Variants in PRKD3 observed in about 807,000 individuals in gnomAD.
PRKD3 encodes the protein protein kinase D3.
Under a neutral mutation model 99.2 loss-of-function variants are expected in PRKD3, and 47 were observed. The observed-to-expected ratio is 0.47, with a 90% CI of 0.38 to 0.60. The LOEUF (loss-of-function observed/expected upper bound fraction) is 0.60, where lower values mean the gene tolerates loss of function less well. Among genes scored for constraint, PRKD3 ranks in the 20% least tolerant of loss-of-function variants. The probability of loss-of-function intolerance (pLI) is 0.00; values close to 1 mark genes in which losing one functional copy is unlikely to be tolerated. For synonymous variants in PRKD3, 392 were observed against 355.4 expected, an observed-to-expected ratio of 1.10 and a Z score of -1.16; for missense variants, 1,019 against 1,088.4, an observed-to-expected ratio of 0.94 and a Z score of 0.90.
chr2:37,294,420 A>AT (rs1319823398), intron 2 of PRKD3, among the ~76,000 whole-genome samples: 1 of 151,918 alleles, frequency 6.6e-6, no homozygotes, highest in Non-Finnish European at 1.5e-5. Flanking sequence ...TTAAAGTTAA[A>AT]TTAAAAAAAA....
At chr2:37,307,073 A>G (rs978898897) in intron 2 of PRKD3, among the ~76,000 whole-genome samples, 1 of 152,180 alleles carries the variant, frequency 6.6e-6, no homozygotes, top group Non-Finnish European at 1.5e-5. Context: ...GGGGCATCAT[A>G]GCAACTTCCT....
intron 2 of PRKD3, among the ~76,000 whole-genome samples, chr2:37,307,721 TAAC>T (rs139323223): frequency 1.7e-3 from 263 of 152,206 alleles, no homozygotes; most frequent in Admixed American, 4.8e-3. Flanking sequence ...TGGCTTATGC[TAAC>T]AACAACAACA....
At chr2:37,303,685 G>C (rs1671039350) in intron 2 of PRKD3, among the ~76,000 whole-genome samples, 1 of 152,102 alleles carries the variant, frequency 6.6e-6, no homozygotes. Context: ...CCGATGAAGA[G>C]GTCAAGAAAA....
At chr2:37,261,338 CT>C (rs1668427324) in intron 14 of PRKD3, among the ~76,000 whole-genome samples, 1 of 151,882 alleles carries the variant, frequency 6.6e-6, no homozygotes, top group Non-Finnish European at 1.5e-5. Flanking sequence ...AATACAAAAA[CT>C]AACCAGGTGT....
intron 9 of PRKD3, among the ~76,000 whole-genome samples, chr2:37,276,959 C>A (rs975517329): frequency 9.2e-5 from 14 of 151,880 alleles, no homozygotes; most frequent in Non-Finnish European, 1.5e-5. Flanking sequence ...CCATTAAATT[C>A]GCAAAGGTAG....
intron 5 of PRKD3, among the ~76,000 whole-genome samples, chr2:37,288,940 G>A (rs971251823): frequency 7.2e-5 from 11 of 152,112 alleles, no homozygotes; most frequent in South Asian, 4.2e-4. Flanking sequence ...TGTAATCCCC[G>A]CTACTTGGGA....
rs114281168 is a variant in PRKD3 at position 37,293,910 on chromosome 2, G to A, written c.289-639C>T. On this transcript the variant is annotated intron_variant, in intron 2 of 18. Transcript: ENST00000234179. ...TTTATAACATGAACAATTTGCTCAC[G>A]TAAGTTAACATGTTTTCCTGTTTGC... Among the ~76,000 whole-genome samples, 153 of 152,250 alleles carry A rather than the reference G, an allele frequency of 1.0e-3. 1 individual carries two copies. Among genetic ancestry groups the A allele is most frequent in the Non-Finnish European group, 1.1e-3 (76 of 68,008 alleles).
intron 3 of PRKD3, among the ~76,000 whole-genome samples, chr2:37,292,795 G>A (rs1670496471): frequency 1.3e-5 from 2 of 151,782 alleles, no homozygotes; most frequent in South Asian, 4.2e-4. Context: ...ACAGTTGCAT[G>A]TGACCATGCC....
chr2:37,322,321 AT>A (rs1671920260), intron 1 of PRKD3, among the ~76,000 whole-genome samples: 1 of 152,212 alleles, frequency 6.6e-6, no homozygotes, highest in Non-Finnish European at 1.5e-5. Flanking sequence ...CCCGACAATG[AT>A]TTATATATTT....
Position 37,282,535 on chromosome 2 carries a change from A to G in PRKD3, c.988+7T>C, listed in dbSNP as rs778117086. On this transcript the variant is annotated splice_region_variant and intron_variant, in intron 7 of 18. Coordinates refer to ENST00000234179, the MANE Select transcript of PRKD3 (RefSeq NM_005813.6). Reference sequence around the variant, plus strand: ...TCTTTCACAAAAATTAAGAAAAATAATTTTACCTCCATTGAAAGTAACCTC... The same window carrying G: ...TCTTTCACAAAAATTAAGAAAAATAGTTTTACCTCCATTGAAAGTAACCTC... 18 of 1,542,856 alleles carry G rather than the reference A, an allele frequency of 1.2e-5. No homozygotes were observed. In the African/African-American group the frequency reaches 2.0e-4, roughly 18 times the overall value.
At position 37,257,937 on chromosome 2, in the gene PRKD3, T is replaced by C. The variant is rs185311757; in HGVS notation, c.2146-1008A>G. On this transcript the variant is annotated intron_variant, in intron 16 of 18. Transcript: ENST00000234179. ...AAACAGTTATATGTAAAGGGAGCCATAGTCACTACCACATCCTCTCAAAAG... is the reference window on the plus strand; with the variant it reads ...AAACAGTTATATGTAAAGGGAGCCACAGTCACTACCACATCCTCTCAAAAG... Among the ~76,000 whole-genome samples, 41 of 152,266 alleles carry C rather than the reference T, an allele frequency of 2.7e-4. 1 individual carries two copies. The highest frequency in any genetic ancestry group is 3.4e-3 in the Middle Eastern group (1 of 294).
rs1480914627 is a variant in PRKD3, at chr2:37,324,111, C to CTCGGAACAATGCTGCAACTAGCAAA, written c.-656+545_-656+569dup. On this transcript the variant is annotated intron_variant, in intron 1 of 18. Transcript: ENST00000234179. ...AGGAAAACCTCCCAGGAGGGAGCAACTCGGAACAATGCTGCAACTAGCAAA... is the reference window on the plus strand; with the variant it reads ...AGGAAAACCTCCCAGGAGGGAGCAACTCGGAACAATGCTGCAACTAGCAAATCGGAACAATGCTGCAACTAGCAAA... 15 of 940,252 alleles carry CTCGGAACAATGCTGCAACTAGCAAA rather than the reference C, an allele frequency of 1.6e-5. No individual in the cohort carries two copies. In the East Asian group the frequency reaches 1.4e-3, roughly 87 times the overall value. 58.2% of individuals were successfully genotyped at this position (940,252 alleles called of 1,614,324 possible).
chr2:37,261,611 T>C (rs940819460), intron 14 of PRKD3, among the ~76,000 whole-genome samples: 1 of 149,376 alleles, frequency 6.7e-6, no homozygotes, highest in African/African-American at 2.5e-5. Context: ...AGAAACCTAG[T>C]CTCTACTAAA....
chr2:37,259,038 A>G (rs1368199538), intron 16 of PRKD3, among the ~76,000 whole-genome samples: 1 of 128,752 alleles, frequency 7.8e-6, no homozygotes, highest in Non-Finnish European at 1.7e-5. Context: ...TTAGTGGATC[A>G]AGATGAACAC....
At chr2:37,259,327 T>C (rs1668231481) in intron 16 of PRKD3, among the ~76,000 whole-genome samples, 1 of 152,232 alleles carries the variant, frequency 6.6e-6, no homozygotes, top group African/African-American at 2.4e-5. Flanking sequence ...CTCACTTCGT[T>C]CCCAGCCCCT....
chr2:37,274,389 GAGAAAAAGCCATCA>G lies in PRKD3; in HGVS notation c.1651+18_1651+31del, dbSNP rs1558542917. The G allele has an allele frequency of 6.2e-7, 1 of 1,609,546 alleles. No homozygotes were observed. The highest frequency in any genetic ancestry group is 1.7e-5 in the Admixed American group (1 of 59,804). On this transcript the variant is annotated intron_variant, in intron 11 of 18. Transcript: ENST00000234179. ...CACAAAATGCTTAAGAATTAAAGAG[GAGAAAAAGCCATCA>G]AGAAGTTTATTGCTTACTGTGATCT...
intron 6 of PRKD3, among the ~76,000 whole-genome samples, chr2:37,283,742 T>C (rs1669963437): frequency 6.6e-6 from 1 of 152,020 alleles, no homozygotes; most frequent in African/African-American, 2.4e-5. Context: ...ATTTCAGCAC[T>C]TTGGGAGGCC....
chr2:37,254,836 A>G (rs1481570863), intron 17 of PRKD3, among the ~76,000 whole-genome samples: 1 of 152,198 alleles, frequency 6.6e-6, no homozygotes, highest in Non-Finnish European at 1.5e-5. Flanking sequence ...TAGCTTAACT[A>G]CCAAAAGTTT....
chr2:37,298,613 A>T, intron 2 of PRKD3, among the ~76,000 whole-genome samples: 1 of 152,090 alleles, frequency 6.6e-6, no homozygotes, highest in African/African-American at 2.4e-5. Context: ...TCAATGTTTT[A>T]TAGTTTTCAT....
Sources: allele counts gnomAD v4.1 joint callset (sites outside exome capture counted in the v4.1 genomes callset), GRCh38; gene constraint gnomAD v4.1.1; transcripts MANE v1.5; gene names NCBI Gene and HGNC (gene_info 2026-07-23, HGNC 2026-07-21).